OR6A2: variants seen among roughly 807,000 people sequenced by gnomAD.
OR6A2 encodes olfactory receptor family 6 subfamily A member 2.
Under a neutral mutation model 7.1 loss-of-function variants are expected in OR6A2, and 6 were observed. The observed-to-expected ratio is 0.85, with a 90% CI of 0.46 to 1.68. The LOEUF (loss-of-function observed/expected upper bound fraction) is 1.68, where lower values mean the gene tolerates loss of function less well. Among genes scored for constraint, OR6A2 ranks in the 40% most tolerant of loss-of-function variants. The pLI is 0.01. For synonymous variants in OR6A2, 162 were observed against 152.1 expected (o/e 1.06, Z -0.48); for missense variants, 431 against 398.0 (o/e 1.08, Z -0.71).
At chr11:6,795,905 T>A in intron 1 of OR6A2, 21 bp from the exon 2 acceptor site, 5 of 532,252 alleles carry the variant, frequency 9.4e-6, no homozygotes, top group South Asian at 3.1e-5. Context: ...CATACAAAAA[T>A]AAATGTTTTT....
At chr11:6,795,940 G>A (rs2133035315) in intron 1 of OR6A2, 56 bp from the exon 2 acceptor site, 2 of 497,214 alleles carry the variant, frequency 4.0e-6, no homozygotes, top group Non-Finnish European at 7.2e-6. Flanking sequence ...AAGATAGGAA[G>A]GAGTCTGTTC....
rs374055951 is a variant in OR6A2 at position 6,795,258 on chromosome 11, C to T, written c.451G>A (p.Ala151Thr). The change falls in exon 2 of 2, where the codon GCT (alanine) becomes ACT (threonine). Residue 151 changes from alanine to threonine, a missense_variant. Ala to Thr is a moderately conservative substitution (Grantham distance 58, BLOSUM62 0). Coordinates refer to ENST00000641196, the MANE Select transcript of OR6A2 (RefSeq NM_003696.3). ...VSGRLCVQMAAGSWAGGFGIS... is the reference protein window; with the variant it reads ...VSGRLCVQMATGSWAGGFGIS... ...CCAAAACCTCCAGCCCAAGAGCCAG[C>T]AGCCATCTGCACACACAGCCGGCCA... The T allele has an allele frequency of 6.2e-7, 1 of 1,613,050 alleles. No individual in the cohort carries two copies. Among genetic ancestry groups the T allele is most frequent in the Non-Finnish European group, 8.5e-7 (1 of 1,179,882 alleles).
Position 6,794,933 on chromosome 11 carries a change from G to C in OR6A2, c.776C>G (p.Ala259Gly), listed in dbSNP as rs773593439. ...HLTVVIIFYA[A>G]SIFIYARPKA... ...TGGCCGAGCATAGATGAAGATACTG[G>C]CTGCATAGAAGATTATCACAACAGT... Residue 259 changes from alanine to glycine, a missense_variant, in exon 2 of 2, where the codon GCC becomes GGC. By Grantham distance (60) the Ala-to-Gly change is moderately conservative. Coordinates refer to ENST00000641196, the MANE Select transcript of OR6A2 (RefSeq NM_003696.3). 1 of 1,614,152 alleles carries C rather than the reference G, an allele frequency of 6.2e-7. No homozygotes were observed. The highest frequency in any genetic ancestry group is 1.1e-5 in the South Asian group (1 of 91,090).
intron 1 of OR6A2, 78 bp from the exon 2 acceptor site, chr11:6,795,962 GA>G: frequency 2.5e-6 from 1 of 408,062 alleles, no homozygotes; most frequent in Non-Finnish European, 4.4e-6. Flanking sequence ...GACCTTTGGA[GA>G]AGCATGCATT....
rs1043257732 is a variant in OR6A2 at position 6,792,988 on chromosome 11, A to G, written c.*1737T>C. 1.3e-5 allele frequency: 2 copies of G among 152,186 alleles called. No individual in the cohort carries two copies. Among genetic ancestry groups the G allele is most frequent in the African/African-American group, 4.8e-5 (2 of 41,454 alleles). 9.4% of individuals were successfully genotyped at this position (152,186 alleles called of 1,614,324 possible). A position where few individuals can be genotyped will look rare whatever the true frequency, so the allele number is the denominator to read the frequency against. ...TTAAAGCATTGGAAAATAAAAGAAAAGCACAATGAAGAAATTCAACATTAT... is the reference window on the plus strand; with the variant it reads ...TTAAAGCATTGGAAAATAAAAGAAAGGCACAATGAAGAAATTCAACATTAT... On this transcript the variant is annotated 3_prime_UTR_variant, in exon 2 of 2. Transcript: ENST00000641196.
At chr11:6,796,413 G>A (rs774126095) in intron 1 of OR6A2, among the ~76,000 whole-genome samples, 1 of 152,162 alleles carries the variant, frequency 6.6e-6, no homozygotes, top group Non-Finnish European at 1.5e-5. Flanking sequence ...ATACATCTTG[G>A]ATGTACAGCT....
chr11:6,796,842 G>A (rs1847753306), intron 1 of OR6A2, among the ~76,000 whole-genome samples: 1 of 152,118 alleles, frequency 6.6e-6, no homozygotes, highest in Non-Finnish European at 1.5e-5. Flanking sequence ...TATGAAGGAA[G>A]GGTTATTTTT....
chr11:6,797,120 T>C (rs1847755039), intron 1 of OR6A2, among the ~76,000 whole-genome samples: 1 of 152,226 alleles, frequency 6.6e-6, no homozygotes, highest in South Asian at 2.1e-4. Flanking sequence ...CTTGAATTTC[T>C]CTTAATACTG....
In OR6A2 at chr11:6,792,851, C is replaced by G. The variant is rs375257917; in HGVS notation, c.*1874G>C. ...AGTCCCCGTCTGGAGAGGTGTCAAT[C>G]TCACCATAGTACATGGGACTCAAAC... On this transcript the variant is annotated 3_prime_UTR_variant, in exon 2 of 2. Transcript: ENST00000641196. 1.9e-4 allele frequency: 29 copies of G among 152,140 alleles called. No homozygotes were observed. Among genetic ancestry groups the G allele is most frequent in the African/African-American group, 6.5e-4 (27 of 41,432 alleles). The allele number at this position is 152,140 out of a possible 1,614,324, so 9.4% of individuals were successfully genotyped here.
rs1589997771 is a variant in OR6A2, at chr11:6,792,008, A to C, written c.*2717T>G. The C allele has an allele frequency of 6.6e-6, 1 of 152,328 alleles. No individual in the cohort carries two copies. The highest frequency in any genetic ancestry group is 1.9e-4 in the East Asian group (1 of 5,192). 9.4% of individuals were successfully genotyped at this position (152,328 alleles called of 1,614,324 possible). On this transcript the variant is annotated 3_prime_UTR_variant, in exon 2 of 2. Transcript: ENST00000641196. ...AGTATTACTTTATGTTCCAGGGTCC[A>C]ATCCAATATACCGTACTCCATATAG...
chr11:6,797,383 C>T (rs1847757910), intron 1 of OR6A2, among the ~76,000 whole-genome samples: 1 of 152,144 alleles, frequency 6.6e-6, no homozygotes, highest in Non-Finnish European at 1.5e-5. Flanking sequence ...TGTCCCAATG[C>T]CATACATGTA....
rs1269165152 is a variant in OR6A2 at position 6,793,356 on chromosome 11, T to G, written c.*1369A>C. 1 of 152,250 alleles carries G rather than the reference T, an allele frequency of 6.6e-6. No homozygotes were observed. Among genetic ancestry groups the G allele is most frequent in the Non-Finnish European group, 1.5e-5 (1 of 68,044 alleles). 9.4% of individuals were successfully genotyped at this position (152,250 alleles called of 1,614,324 possible). A position where few individuals can be genotyped will look rare whatever the true frequency, so the allele number is the denominator to read the frequency against. On this transcript the variant is annotated 3_prime_UTR_variant, in exon 2 of 2. Transcript: ENST00000641196. ...AGCAATAAAGTTAGATCCCACATCT[T>G]GAGCAACAGTTGGATCCATATCTGG...
At chr11:6,799,047 A>T (rs1181921043) in intron 1 of OR6A2, among the ~76,000 whole-genome samples, 1 of 152,364 alleles carries the variant, frequency 6.6e-6, no homozygotes, top group South Asian at 2.1e-4. Context: ...GGTCAGGAAT[A>T]GAGAATTTAA....
chr11:6,795,704 T>TC lies in OR6A2; in HGVS notation c.4dup (p.Glu2GlyfsTer6). On this transcript the variant is annotated frameshift_variant, in exon 2 of 2. Coordinates refer to ENST00000641196, the MANE Select transcript of OR6A2 (RefSeq NM_003696.3). LOFTEE classifies it low-confidence loss of function (END_TRUNC). Reference sequence around the variant, plus strand: ...CACTCTCCCACTATGGTTCCGCCACTCCATGTCATTGGTCTCTCTTACTGC... The same window carrying TC: ...CACTCTCCCACTATGGTTCCGCCACTCCCATGTCATTGGTCTCTCTTACTGC... The TC allele has an allele frequency of 6.2e-7, 1 of 1,613,618 alleles. No homozygotes were observed.
At position 6,794,793 on chromosome 11, in the gene OR6A2, G is replaced by C. The variant is rs1323727074; in HGVS notation, c.916C>G (p.Leu306Val). 6.2e-7 allele frequency: 1 copy of C among 1,614,006 alleles called. No homozygotes were observed. Among genetic ancestry groups the C allele is most frequent in the East Asian group, 2.2e-5 (1 of 44,896 alleles). The change falls in exon 2 of 2, where the codon CTA becomes GTA. Residue 306 changes from leucine to valine, a missense_variant. Leu to Val is a conservative substitution (Grantham distance 32). Transcript: ENST00000641196. ...CLRNQEVKRA[L>V]CCTLHLYQHQ... is the part of the protein sequence containing the mutation. Reference sequence around the variant, plus strand: ...TGGTACAGGTGCAGAGTACAGCATAGGGCTCTCTTGACCTCTTGATTGCGC... The same window carrying C: ...TGGTACAGGTGCAGAGTACAGCATACGGCTCTCTTGACCTCTTGATTGCGC...
In OR6A2 at chr11:6,792,285, T is replaced by C. The variant is rs1256652161; in HGVS notation, c.*2440A>G. 6.6e-6 allele frequency: 1 copy of C among 152,206 alleles called. No homozygotes were observed. Among genetic ancestry groups the C allele is most frequent in the African/African-American group, 2.4e-5 (1 of 41,458 alleles). The allele number at this position is 152,206 out of a possible 1,614,324, so 9.4% of individuals were successfully genotyped here. A position where few individuals can be genotyped will look rare whatever the true frequency, so the allele number is the denominator to read the frequency against. ...TTAATCACAATCTAGAATTCACCTGTACAAGGTTTGTAGTGGACAAAAAAT... is the reference window on the plus strand; with the variant it reads ...TTAATCACAATCTAGAATTCACCTGCACAAGGTTTGTAGTGGACAAAAAAT... On this transcript the variant is annotated 3_prime_UTR_variant, in exon 2 of 2. Transcript: ENST00000641196.
In OR6A2 at chr11:6,793,143, A is replaced by C. The variant is rs959729921; in HGVS notation, c.*1582T>G. On this transcript the variant is annotated 3_prime_UTR_variant, in exon 2 of 2. Coordinates refer to ENST00000641196, the MANE Select transcript of OR6A2 (RefSeq NM_003696.3). Reference sequence around the variant, plus strand: ...TTTCAGAAACTTCTTCTACGGGGACACTTCGACAGTAGATTTTTGATGAAC... The same window carrying C: ...TTTCAGAAACTTCTTCTACGGGGACCCTTCGACAGTAGATTTTTGATGAAC... 6.6e-6 allele frequency: 1 copy of C among 152,194 alleles called. No homozygotes were observed. 9.4% of individuals were successfully genotyped at this position (152,194 alleles called of 1,614,324 possible).
chr11:6,794,719 T>C lies in OR6A2; in HGVS notation c.*6A>G, dbSNP rs372045643. 3 of 1,610,470 alleles carry C rather than the reference T, an allele frequency of 1.9e-6. No individual in the cohort carries two copies. Among genetic ancestry groups the C allele is most frequent in the Non-Finnish European group, 2.5e-6 (3 of 1,177,568 alleles). ...ATAGCATTTTATCAGATTTCACACA[T>C]CCCTTCTATACATTTCTGCTAGCTT... is the stretch of plus-strand genomic sequence containing the variant. On this transcript the variant is annotated 3_prime_UTR_variant, in exon 2 of 2. Transcript: ENST00000641196.
In OR6A2 at chr11:6,795,532, G is replaced by A; in HGVS notation, c.177C>T (p.Pro59=). The change falls in exon 2 of 2, where the codon CCC becomes CCT. Residue 59 remains proline (P), a synonymous_variant. Transcript: ENST00000641196. ...AIRNHSTLHK[P]MYFFLANMSF... is the part of the protein sequence containing the mutation. ...ACATATTAGCTAGAAAAAAGTACAT[G>A]GGTTTGTGGAGGGTAGAATGGTTCC... 1.2e-6 allele frequency: 2 copies of A among 1,614,032 alleles called. No homozygotes were observed. Among genetic ancestry groups the A allele is most frequent in the African/African-American group, 1.3e-5 (1 of 74,998 alleles).
Sources: gnomAD v4.1 joint callset for allele counts (sites outside exome capture counted in the v4.1 genomes callset) on GRCh38, gnomAD v4.1.1 for gene constraint, MANE v1.5 for transcripts, NCBI Gene and HGNC (gene_info 2026-07-23, HGNC 2026-07-21) for gene names.